PTPRA: variants seen among roughly 807,000 people sequenced by gnomAD.
PTPRA encodes receptor-type tyrosine-protein phosphatase alpha.
In PTPRA, 25 loss-of-function variants were observed where a neutral mutation model predicts 104.8. That is an observed-to-expected ratio of 0.24 (90% confidence interval 0.17 to 0.33). The LOEUF (loss-of-function observed/expected upper bound fraction) is 0.33, where lower values mean the gene tolerates loss of function less well. PTPRA is among the 10% of genes least tolerant of loss of function. The pLI, the probability that PTPRA is intolerant of heterozygous loss-of-function variation, is 1.00. For synonymous variants in PTPRA, 323 were observed against 368.9 expected, an observed-to-expected ratio of 0.88 and a Z score of 1.43; for missense variants, 765 against 1,015.3, an observed-to-expected ratio of 0.75 and a Z score of 3.35.
chr20:2,919,323 C>T (rs951405680), intron 1 of PTPRA, among the ~76,000 whole-genome samples: 4 of 152,096 alleles, frequency 2.6e-5, no homozygotes, highest in African/African-American at 7.2e-5. Context: ...CCCTTTAAAC[C>T]TTACTATCAG....
At chr20:3,023,061 G>A (rs1751864500) in intron 16 of PTPRA, among the ~76,000 whole-genome samples, 2 of 152,228 alleles carry the variant, frequency 1.3e-5, no homozygotes, top group Admixed American at 1.3e-4. Flanking sequence ...CTGTTAATCT[G>A]TAACCCTAGC....
intron 5 of PTPRA, among the ~76,000 whole-genome samples, chr20:2,973,162 A>G (rs1158073823): frequency 1.3e-5 from 2 of 151,108 alleles, no homozygotes; most frequent in African/African-American, 2.4e-5. Context: ...CTGAATAACC[A>G]TTTATTTCAT....
chr20:2,919,828 C>T (rs2060039331), intron 1 of PTPRA, among the ~76,000 whole-genome samples: 2 of 152,162 alleles, frequency 1.3e-5, no homozygotes, highest in Non-Finnish European at 2.9e-5. Context: ...CAACCCAATG[C>T]CAGTTTTTGC....
At chr20:3,026,983 TCTCCCTAATGAGCTAGGAA>T in intron 18 of PTPRA, 119 bp from the exon 19 acceptor site, 1 of 1,051,410 alleles carries the variant, frequency 9.5e-7, no homozygotes, top group Middle Eastern at 2.2e-4. Flanking sequence ...CCAAAGGCTT[TCTCCCTAATGAGCTAGGAA>T]CAGACATGTC....
intron 5 of PTPRA, among the ~76,000 whole-genome samples, chr20:2,974,051 C>T (rs924388653): frequency 6.0e-5 from 9 of 149,988 alleles, no homozygotes; most frequent in South Asian, 2.1e-4. Context: ...TCCTGGTTCA[C>T]GCCATTCTCC....
intron 11 of PTPRA, among the ~76,000 whole-genome samples, chr20:3,008,867 G>A (rs1265426486): frequency 2.6e-5 from 4 of 151,988 alleles, no homozygotes; most frequent in Non-Finnish European, 5.9e-5. Flanking sequence ...AGCCGAGATG[G>A]CGCCACTGCA....
At chr20:2,865,641 G>A in the PTPRA span, 1 of 762,744 alleles carries the variant, frequency 1.3e-6, no homozygotes. This position sits in a 1 kb window ranked among gnomAD's most constrained non-coding sequence, Gnocchi z 5.2. Context: ...ATACACATTT[G>A]TGGGCAGGCA....
At chr20:2,953,468 T>A (rs1048101973) in intron 3 of PTPRA, among the ~76,000 whole-genome samples, 2 of 152,020 alleles carry the variant, frequency 1.3e-5, no homozygotes, top group Admixed American at 1.3e-4. Flanking sequence ...TTAATCAGGA[T>A]GGTCTCGATC....
the PTPRA span, chr20:2,866,126 T>C: frequency 8.0e-6 from 9 of 1,129,546 alleles, no homozygotes; most frequent in South Asian, 5.2e-5. Flanking sequence ...ATATGGACGA[T>C]GTATGCATTG....
At chr20:2,996,608 A>T (rs748526226) in intron 9 of PTPRA, among the ~76,000 whole-genome samples, 2 of 152,234 alleles carry the variant, frequency 1.3e-5, no homozygotes, top group Non-Finnish European at 2.9e-5. Flanking sequence ...CCATAGGTAG[A>T]CAAAGAATGT....
Position 2,984,116 on chromosome 20 carries a change from C to T in PTPRA, c.443-2649C>T, listed in dbSNP as rs529760496. On this transcript the variant is annotated intron_variant, in intron 6 of 23. Transcript: ENST00000399903. The stretch of plus-strand genomic sequence containing the variant: ...GGAGTGATCAGCCAGTCTGAACACT[C>T]ATTTTAAGGTGAGAGCCACATACCA... Among the ~76,000 whole-genome samples the T allele has an allele frequency of 2.6e-5, 4 of 152,098 alleles. No individual in the cohort carries two copies. In the South Asian group the frequency reaches 6.2e-4, roughly 24 times the overall value.
rs553555526 is a variant in PTPRA, at chr20:2,922,498, C to T, written c.-128-709C>T. On this transcript the variant is annotated intron_variant, in intron 1 of 23. Coordinates refer to ENST00000399903, the MANE Select transcript of PTPRA (RefSeq NM_001385305.1). ...GGGATTACAGACACCCACCACCGTGCCTGGCTAATTTTTGTATTTTTGGTA... is the reference window on the plus strand; with the variant it reads ...GGGATTACAGACACCCACCACCGTGTCTGGCTAATTTTTGTATTTTTGGTA... Among the ~76,000 whole-genome samples the T allele has an allele frequency of 2.0e-5, 3 of 152,200 alleles. No individual in the cohort carries two copies. In the South Asian group the frequency reaches 6.2e-4, roughly 32 times the overall value.
chr20:3,028,120 C>T (rs2065237101), intron 20 of PTPRA, among the ~76,000 whole-genome samples: 1 of 152,130 alleles, frequency 6.6e-6, no homozygotes, highest in Admixed American at 6.6e-5. Context: ...CCAGACAGCT[C>T]ACACCCTTGC....
intron 1 of PTPRA, among the ~76,000 whole-genome samples, chr20:2,918,858 T>G (rs995563997): frequency 2.0e-5 from 3 of 152,200 alleles, no homozygotes; most frequent in African/African-American, 7.2e-5. Flanking sequence ...TCTTGCCATG[T>G]ACCAGTTGTT....
chr20:2,994,150 C>T (rs1028029544), intron 9 of PTPRA, among the ~76,000 whole-genome samples: 34 of 152,158 alleles, frequency 2.2e-4, no homozygotes, highest in Admixed American at 2.2e-3. Context: ...AGTACAGTTG[C>T]CATGGCAAAT....
At chr20:2,868,497 C>G (rs886215275), upstream of PTPRA, among the ~76,000 whole-genome samples, 8 of 150,928 alleles carry the variant, frequency 5.3e-5, no homozygotes, top group South Asian at 2.1e-4. Flanking sequence ...TAGCAAAGTT[C>G]TGGAAATACT....
intron 9 of PTPRA, among the ~76,000 whole-genome samples, chr20:2,989,126 G>T (rs1378265027): frequency 2.0e-5 from 3 of 152,172 alleles, no homozygotes; most frequent in Non-Finnish European, 4.4e-5. Flanking sequence ...TAGCCTACCA[G>T]TTCTGATCCC....
At chr20:2,930,752 G>T (rs573153803) in intron 2 of PTPRA, among the ~76,000 whole-genome samples, 1 of 152,230 alleles carries the variant, frequency 6.6e-6, no homozygotes, top group East Asian at 1.9e-4. Flanking sequence ...ACTCCAGAAT[G>T]ACCTCATCTT....
At chr20:3,016,934 C>T (rs1422335793) in intron 12 of PTPRA, among the ~76,000 whole-genome samples, 1 of 152,200 alleles carries the variant, frequency 6.6e-6, no homozygotes, top group East Asian at 1.9e-4. Context: ...ATATCCTCCC[C>T]ATTCTCCCAG....
Sources: allele counts gnomAD v4.1 joint callset (sites outside exome capture counted in the v4.1 genomes callset), GRCh38; gene constraint gnomAD v4.1.1; non-coding constraint Gnocchi (gnomAD v3.1); transcripts MANE v1.5; gene names NCBI Gene and HGNC (gene_info 2026-07-23, HGNC 2026-07-21).